The following PPARGC1A variants were observed in gnomAD, a reference collection of about 807,000 sequenced individuals.
PPARGC1A encodes the protein PPARG coactivator 1 alpha.
In PPARGC1A, 25 loss-of-function variants were observed where a neutral mutation model predicts 88.7. The observed-to-expected ratio is 0.28, with a 90% CI of 0.21 to 0.39. The LOEUF is 0.39. Ranked by LOEUF, PPARGC1A falls within the 10% of genes least tolerant of loss-of-function variation. The pLI is 1.00. For synonymous variants in PPARGC1A, 363 were observed against 355.6 expected (o/e 1.02, Z -0.24); for missense variants, 880 against 968.7 (o/e 0.91, Z 1.22).
chr4:23,951,131 A>AC, the PPARGC1A span, among the ~76,000 whole-genome samples: 4 of 151,872 alleles, frequency 2.6e-5, no homozygotes, highest in African/African-American at 9.7e-5. Flanking sequence ...ACTTTGAAAG[A>AC]CCCCCCAGTC....
chr4:23,815,947 G>C (rs1721910809), intron 7 of PPARGC1A, among the ~76,000 whole-genome samples: 1 of 152,092 alleles, frequency 6.6e-6, no homozygotes, highest in South Asian at 2.1e-4. Context: ...AGCCAAGTAG[G>C]TCACAGAAAG....
chr4:23,805,864 C>A (rs989069933), intron 10 of PPARGC1A, among the ~76,000 whole-genome samples: 7 of 152,030 alleles, frequency 4.6e-5, no homozygotes, highest in African/African-American at 1.7e-4. Flanking sequence ...ATAAACACAG[C>A]CTATGTATTC....
chr4:24,237,978 A>G, the PPARGC1A span, among the ~76,000 whole-genome samples: 1 of 152,208 alleles, frequency 6.6e-6, no homozygotes. Context: ...ATGTCATGAG[A>G]TAGATAAGTG....
the PPARGC1A span, among the ~76,000 whole-genome samples, chr4:24,010,888 A>G: frequency 1.3e-5 from 2 of 152,118 alleles, no homozygotes; most frequent in Non-Finnish European, 2.9e-5. Context: ...CAAAACTGAG[A>G]TCTTGGTTTT....
chr4:23,915,555 T>A, the PPARGC1A span, among the ~76,000 whole-genome samples: 2 of 152,372 alleles, frequency 1.3e-5, no homozygotes, highest in South Asian at 4.1e-4. Context: ...ATATTTTCCA[T>A]CTATTCTGCT....
At chr4:24,427,517 C>T in the PPARGC1A span, among the ~76,000 whole-genome samples, 193 of 152,084 alleles carry the variant, frequency 1.3e-3, no homozygotes, top group Non-Finnish European at 2.2e-3. Context: ...TGGACTCAGG[C>T]GATCCACCCG....
At chr4:23,915,931 A>G in the PPARGC1A span, among the ~76,000 whole-genome samples, 80 of 152,334 alleles carry the variant, frequency 5.3e-4, no homozygotes, top group African/African-American at 1.9e-3. Context: ...ATCAGGCAGC[A>G]TGGCATAACT....
At chr4:23,935,816 T>C in the PPARGC1A span, among the ~76,000 whole-genome samples, 10 of 152,248 alleles carry the variant, frequency 6.6e-5, no homozygotes, top group East Asian at 1.9e-3. Flanking sequence ...CCAAACCTCA[T>C]GTTCTTAACT....
At chr4:24,043,330 A>G in the PPARGC1A span, among the ~76,000 whole-genome samples, 1 of 152,148 alleles carries the variant, frequency 6.6e-6, no homozygotes, top group Non-Finnish European at 1.5e-5. Context: ...AACTTGTTCA[A>G]ACTCTTCGAG....
At chr4:24,287,612 A>G in the PPARGC1A span, among the ~76,000 whole-genome samples, 2 of 144,354 alleles carry the variant, frequency 1.4e-5, no homozygotes, top group African/African-American at 2.6e-5. Context: ...ATTTCAGACC[A>G]ATAAAATGCT....
rs114651141 is a variant in PPARGC1A at position 23,830,587 on chromosome 4, G to A, written c.429+970C>T. On this transcript the variant is annotated intron_variant, in intron 3 of 12. Coordinates refer to ENST00000264867, the MANE Select transcript of PPARGC1A (RefSeq NM_013261.5). ...CAAAATCCAATGGACTCAAAGTAGG[G>A]CCTCCATATATTTGCATAGAGTATT... Among the ~76,000 whole-genome samples, 376 of 152,272 alleles carry A rather than the reference G, an allele frequency of 2.5e-3. 2 individuals are homozygous for A. Among genetic ancestry groups the A allele is most frequent in the African/African-American group, 8.4e-3 (351 of 41,556 alleles).
the PPARGC1A span, among the ~76,000 whole-genome samples, chr4:24,317,115 T>C: frequency 6.6e-6 from 1 of 152,258 alleles, no homozygotes; most frequent in African/African-American, 2.4e-5. Context: ...AGATGAGGCT[T>C]AAAGAGGTTG....
the PPARGC1A span, among the ~76,000 whole-genome samples, chr4:24,321,501 G>A: frequency 6.6e-6 from 1 of 152,144 alleles, no homozygotes; most frequent in Non-Finnish European, 1.5e-5. Flanking sequence ...ATTTTGATAT[G>A]TAAAGAAATC....
chr4:24,025,073 T>C, the PPARGC1A span, among the ~76,000 whole-genome samples: 3,860 of 152,260 alleles, frequency 0.025, 149 homozygotes, highest in African/African-American at 0.087. Flanking sequence ...AGTTGCAATA[T>C]AAAATGTTGC....
chr4:24,383,658 G>C, the PPARGC1A span, among the ~76,000 whole-genome samples: 1 of 152,156 alleles, frequency 6.6e-6, no homozygotes, highest in African/African-American at 2.4e-5. Flanking sequence ...GAAATAAAGT[G>C]TGAAGACAAG....
intron 2 of PPARGC1A, among the ~76,000 whole-genome samples, chr4:23,857,417 A>G (rs1022587383): frequency 8.7e-5 from 13 of 148,722 alleles, no homozygotes; most frequent in African/African-American, 2.9e-4. Context: ...TATGTACTAA[A>G]TAGATAAATA....
At chr4:24,188,039 G>A in the PPARGC1A span, among the ~76,000 whole-genome samples, 1 of 152,162 alleles carries the variant, frequency 6.6e-6, no homozygotes, top group East Asian at 1.9e-4. Context: ...GCCTGAGATG[G>A]CAAAGAACAT....
the PPARGC1A span, among the ~76,000 whole-genome samples, chr4:23,964,256 A>C: frequency 6.6e-6 from 1 of 152,226 alleles, no homozygotes; most frequent in Non-Finnish European, 1.5e-5. Context: ...AATTAGTAAC[A>C]TAAGTTTTAG....
the PPARGC1A span, among the ~76,000 whole-genome samples, chr4:24,178,836 G>A: frequency 6.6e-6 from 1 of 152,254 alleles, no homozygotes; most frequent in East Asian, 1.9e-4. Context: ...GTCATCAACT[G>A]GTGATGAACA....
Sources: allele counts gnomAD v4.1 joint callset (sites outside exome capture counted in the v4.1 genomes callset), GRCh38; gene constraint gnomAD v4.1.1; transcripts MANE v1.5; gene names NCBI Gene and HGNC (gene_info 2026-07-23, HGNC 2026-07-21).